The following XKR6 variants were observed in gnomAD, a reference collection of about 807,000 sequenced individuals.
XKR6 encodes the protein XK-related protein 6.
In XKR6, 22 loss-of-function variants were observed where a neutral mutation model predicts 56.7. The ratio of observed to expected loss-of-function variants is 0.39; its 90% CI spans 0.28 to 0.55. The LOEUF (loss-of-function observed/expected upper bound fraction) is 0.55. Among genes scored for constraint, XKR6 ranks in the 20% least tolerant of loss-of-function variants. The probability of loss-of-function intolerance (pLI) is 0.66; values close to 1 mark genes in which losing one functional copy is unlikely to be tolerated. For missense variants in XKR6, 852 were observed against 889.0 expected (o/e 0.96, Z 0.53); for synonymous variants, 524 against 387.8 (o/e 1.35, Z -4.13).
At chr8:10,927,538 C>T (rs1031712412) in intron 1 of XKR6, among the ~76,000 whole-genome samples, 2 of 152,148 alleles carry the variant, frequency 1.3e-5, no homozygotes, top group African/African-American at 2.4e-5. Flanking sequence ...AGCACTAACC[C>T]TATCCATCTG....
At chr8:11,145,104 T>C (rs1407708281) in intron 1 of XKR6, among the ~76,000 whole-genome samples, 2 of 151,846 alleles carry the variant, frequency 1.3e-5, no homozygotes, top group African/African-American at 4.8e-5. Flanking sequence ...ATGCAAAACC[T>C]AAAATGCTCC....
chr8:11,166,525 T>C (rs371655248), intron 1 of XKR6, among the ~76,000 whole-genome samples: 1 of 152,188 alleles, frequency 6.6e-6, no homozygotes, highest in Admixed American at 6.5e-5. Flanking sequence ...TTTTCAAAAA[T>C]CTAATATTTA....
At chr8:11,121,866 T>A (rs1278845220) in intron 1 of XKR6, among the ~76,000 whole-genome samples, 1 of 152,208 alleles carries the variant, frequency 6.6e-6, no homozygotes, top group Non-Finnish European at 1.5e-5. Flanking sequence ...TAAAAAATGA[T>A]GAGTTCATGT....
intron 2 of XKR6, among the ~76,000 whole-genome samples, chr8:10,918,813 C>T (rs762385964): frequency 3.9e-5 from 6 of 152,144 alleles, no homozygotes; most frequent in Non-Finnish European, 8.8e-5. Flanking sequence ...TTTCTATTAC[C>T]ACCCCCAGTA....
intron 1 of XKR6, among the ~76,000 whole-genome samples, chr8:11,003,931 G>A (rs905106693): frequency 1.3e-5 from 2 of 152,190 alleles, no homozygotes; most frequent in African/African-American, 4.8e-5. Context: ...AAGAGGGATG[G>A]CCATATACTT....
At chr8:11,158,258 T>C (rs1163096433) in intron 1 of XKR6, among the ~76,000 whole-genome samples, 1 of 152,152 alleles carries the variant, frequency 6.6e-6, no homozygotes, top group Non-Finnish European at 1.5e-5. Context: ...GAGATTATTA[T>C]GGAAGGACCA....
intron 1 of XKR6, among the ~76,000 whole-genome samples, chr8:11,185,538 C>G (rs1803229574): frequency 6.6e-6 from 1 of 152,106 alleles, no homozygotes; most frequent in Admixed American, 6.6e-5. Context: ...TTTTAAATAT[C>G]TATTTGGTGA....
intron 2 of XKR6, among the ~76,000 whole-genome samples, chr8:10,902,488 C>T (rs887595037): frequency 1.3e-5 from 2 of 152,164 alleles, no homozygotes; most frequent in South Asian, 2.1e-4. Flanking sequence ...CGCGCTGCTC[C>T]CACTCTCCAT....
chr8:10,996,303 G>A (rs1296698600), intron 1 of XKR6, among the ~76,000 whole-genome samples: 1 of 152,078 alleles, frequency 6.6e-6, no homozygotes, highest in Non-Finnish European at 1.5e-5. Flanking sequence ...GGTGTCAAAA[G>A]CTCTGGCGGG....
rs114902622 is a variant in XKR6, at chr8:11,193,429, C to T, written c.764+7147G>A. Among the ~76,000 whole-genome samples, 1,439 of 152,266 alleles carry T rather than the reference C, an allele frequency of 9.5e-3. 28 individuals are homozygous for T. The highest frequency in any genetic ancestry group is 0.033 in the African/African-American group (1,365 of 41,550). On this transcript the variant is annotated intron_variant, in intron 1 of 2. Transcript: ENST00000416569. ...AATACAATATACCAAGATCTACCCA[C>T]ATTAGAAATACAGAAATGAAAAATC... is the stretch of plus-strand genomic sequence containing the variant.
At chr8:11,176,328 G>C (rs568417177) in intron 1 of XKR6, among the ~76,000 whole-genome samples, 28 of 152,288 alleles carry the variant, frequency 1.8e-4, no homozygotes, top group African/African-American at 6.3e-4. Context: ...CAGAAACGGA[G>C]GTTTAGCTGA....
intron 1 of XKR6, among the ~76,000 whole-genome samples, chr8:11,139,946 GC>G (rs951720849): frequency 1.1e-4 from 16 of 152,190 alleles, no homozygotes; most frequent in African/African-American, 3.9e-4. Context: ...AATGATACAA[GC>G]CATGAACGAA....
Position 11,128,440 on chromosome 8 carries a change from G to C in XKR6, c.764+72136C>G, listed in dbSNP as rs919506814. Among the ~76,000 whole-genome samples the C allele has an allele frequency of 7.9e-5, 12 of 152,120 alleles. 1 individual carries two copies. The highest frequency in any genetic ancestry group is 2.9e-4 in the African/African-American group (12 of 41,406). Reference sequence around the variant, plus strand: ...TCTCCTTCATCACAACTGCCTATTTGATAGCCCATCTCAGATGTCAAACAG... The same window carrying C: ...TCTCCTTCATCACAACTGCCTATTTCATAGCCCATCTCAGATGTCAAACAG... On this transcript the variant is annotated intron_variant, in intron 1 of 2. Coordinates refer to ENST00000416569, the MANE Select transcript of XKR6 (RefSeq NM_173683.4).
chr8:10,901,985 C>T (rs1800047199), intron 2 of XKR6, among the ~76,000 whole-genome samples: 2 of 152,210 alleles, frequency 1.3e-5, no homozygotes, highest in African/African-American at 4.8e-5. Context: ...ATTCTTCTGC[C>T]TTCAGAGTTA....
intron 1 of XKR6, among the ~76,000 whole-genome samples, chr8:11,015,529 G>A (rs1798598885): frequency 6.6e-6 from 1 of 152,202 alleles, no homozygotes; most frequent in African/African-American, 2.4e-5. Context: ...GGAAGAGGGA[G>A]GAGAGGGGGA....
intron 1 of XKR6, among the ~76,000 whole-genome samples, chr8:11,042,813 G>C (rs1325382036): frequency 2.0e-5 from 3 of 152,236 alleles, no homozygotes; most frequent in African/African-American, 7.2e-5. Flanking sequence ...GATCCCAGCA[G>C]TGGACCCTTC....
chr8:11,073,444 A>T (rs1800185935), intron 1 of XKR6, among the ~76,000 whole-genome samples: 1 of 152,234 alleles, frequency 6.6e-6, no homozygotes, highest in South Asian at 2.1e-4. Context: ...CATACAAGGC[A>T]GAGTGAGACA....
At chr8:11,157,752 C>G (rs1297615850) in intron 1 of XKR6, among the ~76,000 whole-genome samples, 2 of 152,134 alleles carry the variant, frequency 1.3e-5, no homozygotes, top group African/African-American at 4.8e-5. Context: ...CGGTCTCAAG[C>G]AATCCTTCCA....
At chr8:11,021,267 T>G in intron 1 of XKR6, among the ~76,000 whole-genome samples, 1 of 152,178 alleles carries the variant, frequency 6.6e-6, no homozygotes, top group Non-Finnish European at 1.5e-5. Flanking sequence ...TCTTCCCTCT[T>G]CCTACACTCA....
Sources: gnomAD v4.1 joint callset for allele counts (sites outside exome capture counted in the v4.1 genomes callset) on GRCh38, gnomAD v4.1.1 for gene constraint, MANE v1.5 for transcripts, NCBI Gene and HGNC (gene_info 2026-07-23, HGNC 2026-07-21) for gene names.